Variants in GRIP1 observed in about 807,000 individuals in gnomAD.
The protein encoded by GRIP1 is glutamate receptor-interacting protein 1.
A neutral mutation model predicts 129.9 loss-of-function variants in GRIP1; 45 were observed. The ratio of observed to expected loss-of-function variants is 0.35; its 90% confidence interval spans 0.27 to 0.44. The LOEUF (loss-of-function observed/expected upper bound fraction) is 0.44. Among genes scored for constraint, GRIP1 ranks in the 20% least tolerant of loss-of-function variants. The probability of loss-of-function intolerance (pLI) is 1.00; values close to 1 mark genes in which losing one functional copy is unlikely to be tolerated. For missense variants in GRIP1, 1,196 were observed against 1,396.8 expected (o/e 0.86, Z 2.29); for synonymous variants, 530 against 520.8 (o/e 1.02, Z -0.24).
chr12:66,608,897 C>A (rs999491840), intron 1 of GRIP1, among the ~76,000 whole-genome samples: 3 of 151,594 alleles, frequency 2.0e-5, no homozygotes, highest in Admixed American at 2.0e-4. Context: ...GAGTGATAGA[C>A]AAGGACCAGT....
chr12:66,543,386 C>A (rs958354427), intron 2 of GRIP1, among the ~76,000 whole-genome samples: 20 of 152,182 alleles, frequency 1.3e-4, no homozygotes, highest in African/African-American at 4.6e-4. Context: ...ATGTCAGCTT[C>A]ATCTACTACA....
chr12:66,788,564 A>C (rs74747818), intron 1 of GRIP1, among the ~76,000 whole-genome samples: 11 of 151,832 alleles, frequency 7.2e-5, no homozygotes, highest in Non-Finnish European at 1.5e-4. Context: ...AAAAAAAAAA[A>C]CTGTGTTTTT....
chr12:66,504,111 G>C (rs1189954175), intron 7 of GRIP1, among the ~76,000 whole-genome samples: 4 of 152,168 alleles, frequency 2.6e-5, no homozygotes, highest in African/African-American at 9.7e-5. Flanking sequence ...AAGAGGGGCA[G>C]TCTGAGAGTC....
At chr12:66,765,129 T>C (rs1431802474) in intron 1 of GRIP1, among the ~76,000 whole-genome samples, 1 of 123,886 alleles carries the variant, frequency 8.1e-6, no homozygotes, top group East Asian at 2.4e-4. Flanking sequence ...GTACCCTTCA[T>C]TGAAATCACA....
At chr12:66,549,401 C>T (rs149353752) in intron 2 of GRIP1, among the ~76,000 whole-genome samples, 58 of 152,146 alleles carry the variant, frequency 3.8e-4, no homozygotes, top group Middle Eastern at 3.4e-3. Flanking sequence ...AATTAGGGCA[C>T]GCACCAGAAT....
intron 13 of GRIP1, among the ~76,000 whole-genome samples, chr12:66,434,984 G>A (rs2058257113): frequency 6.6e-6 from 1 of 152,198 alleles, no homozygotes; most frequent in Non-Finnish European, 1.5e-5. Context: ...AAACCAGGTG[G>A]AGTGCATGTT....
intron 1 of GRIP1, among the ~76,000 whole-genome samples, chr12:66,868,791 T>C (rs1478008953): frequency 1.3e-5 from 2 of 152,128 alleles, no homozygotes; most frequent in Non-Finnish European, 2.9e-5. Flanking sequence ...CTAATTGACA[T>C]ATTGGACATA....
intron 5 of GRIP1, among the ~76,000 whole-genome samples, chr12:66,523,637 C>G (rs899905735): frequency 1.3e-5 from 2 of 151,248 alleles, no homozygotes; most frequent in African/African-American, 4.9e-5. Flanking sequence ...AGCAAAATCA[C>G]CAGCTAACAT....
chr12:67,026,916 T>C (rs543297833), intron 1 of GRIP1, among the ~76,000 whole-genome samples: 8 of 152,306 alleles, frequency 5.3e-5, no homozygotes, highest in Non-Finnish European at 8.8e-5. Flanking sequence ...GTTTGTGTGT[T>C]TGTAGTTTTT....
At chr12:66,609,380 T>C (rs1157579484) in intron 1 of GRIP1, among the ~76,000 whole-genome samples, 1 of 152,152 alleles carries the variant, frequency 6.6e-6, no homozygotes, top group Non-Finnish European at 1.5e-5. Flanking sequence ...ACACTTGACA[T>C]ACTTTTGGTT....
intron 7 of GRIP1, among the ~76,000 whole-genome samples, chr12:66,488,025 T>A (rs574967076): frequency 6.6e-6 from 1 of 152,126 alleles, no homozygotes; most frequent in Non-Finnish European, 1.5e-5. Flanking sequence ...CACACAGTAA[T>A]AGTGGGAGAT....
chr12:66,645,380 C>T (rs1158118353), intron 1 of GRIP1, among the ~76,000 whole-genome samples: 1 of 151,896 alleles, frequency 6.6e-6, no homozygotes, highest in Non-Finnish European at 1.5e-5. Flanking sequence ...GTCTGAGGAC[C>T]TTATACATGC....
intron 2 of GRIP1, among the ~76,000 whole-genome samples, chr12:66,554,041 C>T (rs937639112): frequency 2.6e-5 from 4 of 152,174 alleles, no homozygotes. Context: ...AGCCCATTGA[C>T]TTGGTGGGCA....
chr12:67,037,431 C>A (rs927564100), intron 1 of GRIP1: 8 of 151,264 alleles, frequency 5.3e-5, no homozygotes, highest in Non-Finnish European at 1.0e-4. Context: ...TCTTGAAGTG[C>A]CTGCAGGGCA....
chr12:66,367,114 C>A (rs2055197619), intron 23 of GRIP1, among the ~76,000 whole-genome samples: 1 of 152,100 alleles, frequency 6.6e-6, no homozygotes, highest in African/African-American at 2.4e-5. Flanking sequence ...TAAGTGGACA[C>A]CAAAGGATAT....
chr12:66,937,208 T>C (rs917053424), intron 1 of GRIP1, among the ~76,000 whole-genome samples: 1 of 152,186 alleles, frequency 6.6e-6, no homozygotes, highest in African/African-American at 2.4e-5. Flanking sequence ...ATGTCATTTC[T>C]CTGCTGATCC....
At chr12:66,878,232 A>T (rs976053475) in intron 1 of GRIP1, among the ~76,000 whole-genome samples, 7 of 152,078 alleles carry the variant, frequency 4.6e-5, no homozygotes, top group African/African-American at 1.7e-4. Context: ...ATACACACAC[A>T]AATAAATCTG....
chr12:66,728,654 T>C (rs1353535453), intron 1 of GRIP1, among the ~76,000 whole-genome samples: 3 of 152,168 alleles, frequency 2.0e-5, no homozygotes, highest in African/African-American at 7.2e-5. Flanking sequence ...AAGGAATGAA[T>C]GGATACAGGG....
chr12:66,764,985 AG>A (rs1308924521), intron 1 of GRIP1, among the ~76,000 whole-genome samples: 1 of 152,246 alleles, frequency 6.6e-6, no homozygotes, highest in Non-Finnish European at 1.5e-5. Flanking sequence ...TTTATGAAGT[AG>A]GCTCTATTAT....
Sources: allele counts gnomAD v4.1 joint callset (sites outside exome capture counted in the v4.1 genomes callset), GRCh38; gene constraint gnomAD v4.1.1; transcripts MANE v1.5; gene names NCBI Gene and HGNC (gene_info 2026-07-23, HGNC 2026-07-21).